The following FCHSD2 variants were observed in gnomAD, a reference collection of about 807,000 sequenced individuals.
The protein encoded by FCHSD2 is FCH and double SH3 domains 2, also known as F-BAR and double SH3 domains protein 2.
A neutral mutation model predicts 108.1 loss-of-function variants in FCHSD2; 38 were observed. The observed-to-expected ratio is 0.35, with a 90% CI of 0.27 to 0.46. The LOEUF (loss-of-function observed/expected upper bound fraction) is 0.46. Ranked by LOEUF, FCHSD2 falls within the 20% of genes least tolerant of loss-of-function variation. The pLI is 1.00. For missense variants in FCHSD2, 751 were observed against 897.8 expected (o/e 0.84, Z 2.09); for synonymous variants, 279 against 314.7 (o/e 0.89, Z 1.20).
intron 2 of FCHSD2, among the ~76,000 whole-genome samples, chr11:73,133,063 C>T (rs2079159626): frequency 6.6e-6 from 1 of 152,180 alleles, no homozygotes; most frequent in Admixed American, 6.5e-5. Context: ...AAGCCACTTA[C>T]AATATCACTT....
intron 3 of FCHSD2, among the ~76,000 whole-genome samples, chr11:73,075,695 A>G (rs973012082): frequency 6.6e-6 from 1 of 151,888 alleles, no homozygotes; most frequent in Non-Finnish European, 1.5e-5. Context: ...CGTGCCTGTA[A>G]TCCCAGCTAC....
chr11:73,004,435 C>G (rs1857696773), intron 4 of FCHSD2, among the ~76,000 whole-genome samples: 1 of 152,276 alleles, frequency 6.6e-6, no homozygotes, highest in East Asian at 1.9e-4. Context: ...CCTGATTCTA[C>G]TCAAACCCTT....
intron 12 of FCHSD2, among the ~76,000 whole-genome samples, chr11:72,878,060 T>C (rs1487259249): frequency 6.6e-6 from 1 of 151,910 alleles, no homozygotes; most frequent in Non-Finnish European, 1.5e-5. Flanking sequence ...ATAAAACTTT[T>C]TGGTGTAAGG....
At chr11:73,099,746 G>C (rs1318902519) in intron 2 of FCHSD2, among the ~76,000 whole-genome samples, 1 of 152,182 alleles carries the variant, frequency 6.6e-6, no homozygotes, top group South Asian at 2.1e-4. Flanking sequence ...GACCAAAAAG[G>C]CTGTTTCCCC....
chr11:73,092,787 C>G (rs1859987632), intron 2 of FCHSD2, among the ~76,000 whole-genome samples: 1 of 152,120 alleles, frequency 6.6e-6, no homozygotes. Flanking sequence ...TTGTGTATAT[C>G]AAATCAAGGA....
chr11:72,952,570 C>T (rs185813870), intron 8 of FCHSD2, among the ~76,000 whole-genome samples: 2 of 152,206 alleles, frequency 1.3e-5, no homozygotes, highest in East Asian at 1.9e-4. Flanking sequence ...AGTGATCTAC[C>T]GGCCTCGGCC....
chr11:73,049,132 C>T (rs1173294976), intron 3 of FCHSD2, among the ~76,000 whole-genome samples: 1 of 152,100 alleles, frequency 6.6e-6, no homozygotes, highest in African/African-American at 2.4e-5. Context: ...TGTAAAAAGA[C>T]GTAGTGGTTT....
At chr11:72,887,656 A>G (rs1468233156) in intron 11 of FCHSD2, 82 bp from the exon 12 acceptor site, 2 of 897,178 alleles carry the variant, frequency 2.2e-6, no homozygotes, top group East Asian at 5.8e-5. Context: ...TACATAATTC[A>G]AAGGGCTTTA....
At chr11:72,941,029 C>T (rs376254108) in intron 8 of FCHSD2, 34 of 721,080 alleles carry the variant, frequency 4.7e-5, no homozygotes, top group African/African-American at 3.1e-4. Context: ...TGGAAAGGAC[C>T]GTATGTTCCA....
At chr11:73,046,110 C>A (rs1027179240) in intron 3 of FCHSD2, among the ~76,000 whole-genome samples, 11 of 151,758 alleles carry the variant, frequency 7.2e-5, no homozygotes, top group Admixed American at 2.0e-4. Context: ...GTGGCCTCAG[C>A]CTCTGAAGTA....
At chr11:73,057,367 T>G (rs1859051140) in intron 3 of FCHSD2, among the ~76,000 whole-genome samples, 1 of 152,122 alleles carries the variant, frequency 6.6e-6, no homozygotes, top group South Asian at 2.1e-4. Context: ...CCAGGTAATC[T>G]CCTTCAGAAG....
intron 3 of FCHSD2, among the ~76,000 whole-genome samples, chr11:73,031,252 T>A (rs777490833): frequency 1.2e-4 from 18 of 151,914 alleles, no homozygotes; most frequent in Non-Finnish European, 2.1e-4. Flanking sequence ...CTGAGGCAGG[T>A]GGATTGCTAG....
At chr11:72,846,354 G>A (rs988773884) in intron 14 of FCHSD2, among the ~76,000 whole-genome samples, 5 of 151,954 alleles carry the variant, frequency 3.3e-5, no homozygotes, top group African/African-American at 1.2e-4. Flanking sequence ...CTAATTTTTT[G>A]TATTTTTAGT....
chr11:72,924,749 T>C (rs1856043938), intron 8 of FCHSD2, among the ~76,000 whole-genome samples: 1 of 151,738 alleles, frequency 6.6e-6, no homozygotes, highest in African/African-American at 2.4e-5. Flanking sequence ...GCACCTTCTA[T>C]AGTGCTTACA....
Position 73,142,043 on chromosome 11 carries a change from G to T in FCHSD2, c.-166C>A. 1 of 623,256 alleles carries T rather than the reference G, an allele frequency of 1.6e-6. No homozygotes were observed. The highest frequency in any genetic ancestry group is 2.7e-6 in the Non-Finnish European group (1 of 367,252). 38.6% of individuals were successfully genotyped at this position (623,256 alleles called of 1,614,324 possible). A position where few individuals can be genotyped will look rare whatever the true frequency, so the allele number is the denominator to read the frequency against. On this transcript the variant is annotated 5_prime_UTR_variant, in exon 1 of 20. Coordinates refer to ENST00000409418, the MANE Select transcript of FCHSD2 (RefSeq NM_014824.3). ...GGGAGCAGGCCAGCGGGCGGCAGGC[G>T]GACCCCAGCCAGAGAGCGAGTGTGA...
intron 3 of FCHSD2, among the ~76,000 whole-genome samples, chr11:73,031,845 A>C (rs1443115614): frequency 6.6e-6 from 1 of 152,186 alleles, no homozygotes; most frequent in Non-Finnish European, 1.5e-5. Context: ...ATTGCTTAAC[A>C]AGTTTTATTA....
chr11:72,988,464 A>T (rs1857351181), intron 6 of FCHSD2, among the ~76,000 whole-genome samples: 1 of 152,218 alleles, frequency 6.6e-6, no homozygotes, highest in Admixed American at 6.5e-5. Context: ...ATGTATATAT[A>T]CACTAGATTT....
intron 10 of FCHSD2, among the ~76,000 whole-genome samples, chr11:72,895,656 C>T (rs1855402679): frequency 6.6e-6 from 1 of 152,154 alleles, no homozygotes; most frequent in Admixed American, 6.6e-5. Flanking sequence ...AGTAGAGGGC[C>T]TATCACATAG....
At chr11:72,976,109 T>C (rs1360722650) in intron 8 of FCHSD2, among the ~76,000 whole-genome samples, 5 of 152,208 alleles carry the variant, frequency 3.3e-5, no homozygotes, top group Non-Finnish European at 5.9e-5. Flanking sequence ...TTCCAGGGTC[T>C]AGCAATAGTT....
Sources: gnomAD v4.1 joint callset for allele counts (sites outside exome capture counted in the v4.1 genomes callset) on GRCh38, gnomAD v4.1.1 for gene constraint, MANE v1.5 for transcripts, NCBI Gene and HGNC (gene_info 2026-07-23, HGNC 2026-07-21) for gene names.